The following GLUD1 variants were observed in gnomAD, a reference collection of about 807,000 sequenced individuals.
The protein encoded by GLUD1 is glutamate dehydrogenase 1.
Under a neutral mutation model 56.0 loss-of-function variants are expected in GLUD1, and 22 were observed. The ratio of observed to expected loss-of-function variants is 0.39; its 90% CI spans 0.28 to 0.56. GLUD1 has a LOEUF of 0.56. Ranked by LOEUF, GLUD1 falls within the 20% of genes least tolerant of loss-of-function variation. GLUD1 has a pLI of 0.58. For missense variants in GLUD1, 451 were observed against 732.0 expected (o/e 0.62, Z 4.43); for synonymous variants, 223 against 269.9 (o/e 0.83, Z 1.70).
intron 5 of GLUD1, 149 bp downstream of exon 5, chr10:87,067,914 A>G (rs1846120045): frequency 4.5e-6 from 3 of 661,526 alleles, no homozygotes; most frequent in South Asian, 3.1e-5. Flanking sequence ...TTAAGAATAG[A>G]CAAGTAGACA....
chr10:87,059,400 C>T (rs1437640693), intron 9 of GLUD1, 127 bp from the exon 10 acceptor site: 4 of 918,512 alleles, frequency 4.4e-6, no homozygotes, highest in African/African-American at 3.3e-5. Flanking sequence ...ATATTTTAGC[C>T]AGTATCAGGA....
chr10:87,093,676 G>T (rs1016909496), intron 1 of GLUD1, among the ~76,000 whole-genome samples: 7 of 152,214 alleles, frequency 4.6e-5, no homozygotes, highest in African/African-American at 1.7e-4. Flanking sequence ...TTATTTGTCA[G>T]AGATATTACA....
Position 87,094,199 on chromosome 10 carries a change from G to T in GLUD1, c.445+126C>A. ...CCACATCCGAGGCGGGGTGACCCGG[G>T]CGGGGACCCGGCCCGCTCCAGCTGG... On this transcript the variant is annotated intron_variant, in intron 1 of 12. Coordinates refer to ENST00000277865, the MANE Select transcript of GLUD1 (RefSeq NM_005271.5). The surrounding 1 kb of genome is among the most constrained non-coding windows in gnomAD (Gnocchi z 6.6). 1 of 1,389,860 alleles carries T rather than the reference G, an allele frequency of 7.2e-7. No homozygotes were observed. Among genetic ancestry groups the T allele is most frequent in the Non-Finnish European group, 9.6e-7 (1 of 1,045,518 alleles). The allele number at this position is 1,389,860 out of a possible 1,614,324, so 86.1% of individuals were successfully genotyped here. A position where few individuals can be genotyped will look rare whatever the true frequency, so the allele number is the denominator to read the frequency against.
intron 1 of GLUD1, among the ~76,000 whole-genome samples, chr10:87,080,925 A>G (rs1242475301): frequency 7.5e-6 from 1 of 133,360 alleles, no homozygotes; most frequent in Non-Finnish European, 1.6e-5. Context: ...CCCTACTGGG[A>G]AGTGAGGAGC....
In GLUD1 at chr10:87,051,836, C is replaced by T; in HGVS notation, c.1592G>A (p.Gly531Glu). 8 of 1,614,084 alleles carry T rather than the reference C, an allele frequency of 5.0e-6. No homozygotes were observed. The highest frequency in any genetic ancestry group is 3.3e-5 in the Admixed American group (2 of 60,024). Reference sequence around the variant, plus strand: ...ATAGGCAGCTGTTCTCAGGTCCAATCCCAGGTTATACTTCATGGCTGTGCG... The same window carrying T: ...ATAGGCAGCTGTTCTCAGGTCCAATTCCAGGTTATACTTCATGGCTGTGCG... ...IMRTAMKYNLGLDLRTAAYVN... is the reference protein window; with the variant it reads ...IMRTAMKYNLELDLRTAAYVN... The change falls in exon 13 of 13, where the codon GGA becomes GAA. Residue 531 changes from glycine to glutamate, a missense_variant. Physicochemically the swap from Gly to Glu is moderately conservative, Grantham distance 98. Around this residue, in one of 4 missense-constraint regions of GLUD1, gnomAD observed 43 missense variants for 61.6 expected, o/e 0.70. Coordinates refer to ENST00000277865, the MANE Select transcript of GLUD1 (RefSeq NM_005271.5).
intron 5 of GLUD1, among the ~76,000 whole-genome samples, chr10:87,065,559 G>A (rs1846054558): frequency 6.6e-6 from 1 of 152,184 alleles, no homozygotes; most frequent in Non-Finnish European, 1.5e-5. Context: ...TTTCCTTCAA[G>A]TGATAAGAAA....
At position 87,094,074 on chromosome 10, in the gene GLUD1, A is replaced by T; in HGVS notation, c.445+251T>A. 2 of 1,516,046 alleles carry T rather than the reference A, an allele frequency of 1.3e-6. No individual in the cohort carries two copies. Among genetic ancestry groups the T allele is most frequent in the East Asian group, 5.1e-5 (2 of 39,414 alleles). The allele number at this position is 1,516,046 out of a possible 1,614,324, so 93.9% of individuals were successfully genotyped here. On this transcript the variant is annotated intron_variant, in intron 1 of 12. Transcript: ENST00000277865. This position sits in a 1 kb window ranked among gnomAD's most constrained non-coding sequence, Gnocchi z 6.6. Reference sequence around the variant, plus strand: ...CGGTGCAGCGTCTACTCTGCATGCAAGATCAGCATATACAGAGGCCCGGGG... The same window carrying T: ...CGGTGCAGCGTCTACTCTGCATGCATGATCAGCATATACAGAGGCCCGGGG...
At chr10:87,063,916 T>C (rs1846002481) in intron 5 of GLUD1, among the ~76,000 whole-genome samples, 1 of 151,890 alleles carries the variant, frequency 6.6e-6, no homozygotes, top group Non-Finnish European at 1.5e-5. Context: ...TCTCGCTCTG[T>C]CACCCAGGCT....
Position 87,094,735 on chromosome 10 carries a change from G to A in GLUD1, c.35C>T (p.Ser12Phe), listed in dbSNP as rs1841682373. 2 of 1,528,292 alleles carry A rather than the reference G, an allele frequency of 1.3e-6. No homozygotes were observed. Among genetic ancestry groups the A allele is most frequent in the Non-Finnish European group, 1.8e-6 (2 of 1,136,648 alleles). 94.7% of individuals were successfully genotyped at this position (1,528,292 alleles called of 1,614,324 possible). ...GCCCAGGGCAGCGGGCCCGGCCCGG[G>A]ACAGCAACAGCGCTTCGCCCAGGTA... ...YRYLGEALLL[S>F]RAGPAALGSA... Residue 12 changes from serine (S) to phenylalanine (F), a missense_variant, in exon 1 of 13, where the codon TCC becomes TTC. By Grantham distance (155) the Ser-to-Phe change is radical. Around this residue, in one of 4 missense-constraint regions of GLUD1, gnomAD observed 158 missense variants for 189.7 expected, o/e 0.83. Coordinates refer to ENST00000277865, the MANE Select transcript of GLUD1 (RefSeq NM_005271.5). This position sits in a 1 kb window ranked among gnomAD's most constrained non-coding sequence, Gnocchi z 6.6.
At chr10:87,080,863 C>T (rs1463008275) in intron 1 of GLUD1, among the ~76,000 whole-genome samples, 1 of 150,752 alleles carries the variant, frequency 6.6e-6, no homozygotes, top group Admixed American at 6.6e-5. Flanking sequence ...GTCAGCCCCC[C>T]GCCCGGCCAG....
chr10:87,089,046 G>C (rs976441180), intron 1 of GLUD1, among the ~76,000 whole-genome samples: 1 of 152,162 alleles, frequency 6.6e-6, no homozygotes, highest in East Asian at 1.9e-4. Context: ...TGGACCTCTA[G>C]AGATATCATC....
chr10:87,094,302 G>A lies in GLUD1; in HGVS notation c.445+23C>T. Reference sequence around the variant, plus strand: ...GCCGCAGGGGAGGCAGGGAGGGCGGGACGGGGCCCGGCCGACGCTCACCTC... The same window carrying A: ...GCCGCAGGGGAGGCAGGGAGGGCGGAACGGGGCCCGGCCGACGCTCACCTC... On this transcript the variant is annotated intron_variant, in intron 1 of 12. Coordinates refer to ENST00000277865, the MANE Select transcript of GLUD1 (RefSeq NM_005271.5). This position sits in a 1 kb window ranked among gnomAD's most constrained non-coding sequence, Gnocchi z 6.6. 1 of 1,582,776 alleles carries A rather than the reference G, an allele frequency of 6.3e-7. No individual in the cohort carries two copies. The highest frequency in any genetic ancestry group is 2.3e-5 in the East Asian group (1 of 43,176).
chr10:87,071,054 G>A (rs1589368376), intron 4 of GLUD1, among the ~76,000 whole-genome samples: 2 of 151,736 alleles, frequency 1.3e-5, no homozygotes. Context: ...GCGTGAACCC[G>A]GGAGGCGGAG....
intron 4 of GLUD1, among the ~76,000 whole-genome samples, chr10:87,073,588 T>C (rs1446832756): frequency 6.6e-6 from 1 of 151,808 alleles, no homozygotes; most frequent in East Asian, 1.9e-4. Context: ...AAGTATTCTA[T>C]TATTAAGTAA....
chr10:87,091,070 A>G (rs893389944), intron 1 of GLUD1, among the ~76,000 whole-genome samples: 1 of 152,180 alleles, frequency 6.6e-6, no homozygotes, highest in Non-Finnish European at 1.5e-5. Flanking sequence ...CTGGATTAAT[A>G]TAGGGTACAC....
intron 5 of GLUD1, among the ~76,000 whole-genome samples, chr10:87,064,362 A>G (rs936349346): frequency 2.0e-5 from 3 of 152,206 alleles, no homozygotes; most frequent in African/African-American, 7.2e-5. Context: ...TGCAGAGTAA[A>G]CTCATCGGTG....
intron 4 of GLUD1, among the ~76,000 whole-genome samples, chr10:87,071,186 G>GT (rs957776804): frequency 1.2e-4 from 18 of 150,554 alleles, no homozygotes; most frequent in East Asian, 3.9e-4. Flanking sequence ...TATTCTTTTT[G>GT]TTTTTTTTTA....
intron 1 of GLUD1, among the ~76,000 whole-genome samples, chr10:87,091,933 A>C (rs1734136473): frequency 6.6e-6 from 1 of 152,138 alleles, no homozygotes; most frequent in Non-Finnish European, 1.5e-5. Flanking sequence ...ACGTGTTAAA[A>C]TATGTTTAAG....
chr10:87,079,936 C>CTCTCCCCACGG (rs1554823795), intron 1 of GLUD1, among the ~76,000 whole-genome samples: 1 of 134,870 alleles, frequency 7.4e-6, no homozygotes, highest in Non-Finnish European at 1.6e-5. Context: ...CCCCCTCTCC[C>CTCTCCCCACGG]TCTCCCTCTC....
Sources: gnomAD v4.1 joint callset for allele counts (sites outside exome capture counted in the v4.1 genomes callset) on GRCh38, gnomAD v4.1.1 for gene constraint, gnomAD v4.1.1 regional missense constraint, Gnocchi (gnomAD v3.1) non-coding constraint, MANE v1.5 for transcripts, NCBI Gene and HGNC (gene_info 2026-07-23, HGNC 2026-07-21) for gene names.